ANGPT1: variants seen among roughly 807,000 people sequenced by gnomAD.
ANGPT1 encodes angiopoietin 1.
ANGPT1 carries 17 observed loss-of-function variants against 62.2 expected under a neutral mutation model. The ratio of observed to expected loss-of-function variants is 0.27; its 90% CI spans 0.19 to 0.41. ANGPT1 has a LOEUF of 0.41. Ranked by LOEUF, ANGPT1 falls within the 10% of genes least tolerant of loss-of-function variation. ANGPT1 has a pLI of 1.00. For missense variants in ANGPT1, 478 were observed against 594.9 expected, an observed-to-expected ratio of 0.80 and a Z score of 2.04; for synonymous variants, 199 against 198.9, an observed-to-expected ratio of 1.00 and a Z score of 0.00.
chr8:107,475,555 G>A (rs1026380238), intron 1 of ANGPT1, among the ~76,000 whole-genome samples: 2 of 152,098 alleles, frequency 1.3e-5, no homozygotes, highest in East Asian at 1.9e-4. Flanking sequence ...AACACCAAAA[G>A]CAATGGCAAC....
chr8:107,427,485 C>T (rs559667721), intron 1 of ANGPT1, among the ~76,000 whole-genome samples: 10 of 152,310 alleles, frequency 6.6e-5, no homozygotes, highest in East Asian at 3.9e-4. Flanking sequence ...TACTTGCAGA[C>T]GCTCTCCTGA....
intron 1 of ANGPT1, among the ~76,000 whole-genome samples, chr8:107,456,792 T>C (rs574343786): frequency 3.3e-5 from 5 of 152,070 alleles, no homozygotes; most frequent in Non-Finnish European, 7.4e-5. Flanking sequence ...ATGTATAAAA[T>C]GAAATGTAAA....
intron 1 of ANGPT1, among the ~76,000 whole-genome samples, chr8:107,412,811 G>C (rs1231572387): frequency 1.3e-5 from 2 of 152,116 alleles, no homozygotes; most frequent in Non-Finnish European, 2.9e-5. Flanking sequence ...GGGCTCTTTG[G>C]TATTTGCCTG....
In ANGPT1 at chr8:107,321,973, T is replaced by A; in HGVS notation, c.731A>T (p.Asn244Ile). The A allele has an allele frequency of 6.2e-7, 1 of 1,613,998 alleles. No individual in the cohort carries two copies. Among genetic ancestry groups the A allele is most frequent in the Non-Finnish European group, 8.5e-7 (1 of 1,179,900 alleles). ...CAGTTGCTGCTTCTGAAGGACACTGTTGTTGGTGGTAGCTCTGTTTAATTG... is the reference window on the plus strand; with the variant it reads ...CAGTTGCTGCTTCTGAAGGACACTGATGTTGGTGGTAGCTCTGTTTAATTG... ...EKQLNRATTN[N>I]SVLQKQQLEL... Residue 244 changes from asparagine to isoleucine, a missense_variant, in exon 4 of 9, where the codon AAC (asparagine) becomes ATC (isoleucine). Around this residue, in one of 4 missense-constraint regions of ANGPT1, gnomAD observed 343 missense variants for 355.4 expected, o/e 0.97. Coordinates refer to ENST00000517746, the MANE Select transcript of ANGPT1 (RefSeq NM_001146.5).
At chr8:107,496,702 A>G (rs758665533) in intron 1 of ANGPT1, among the ~76,000 whole-genome samples, 17 of 152,140 alleles carry the variant, frequency 1.1e-4, no homozygotes, top group Non-Finnish European at 1.3e-4. Context: ...TCAGTCTACT[A>G]TTCTACCACT....
chr8:107,287,778 T>C, intron 6 of ANGPT1, among the ~76,000 whole-genome samples: 1 of 152,174 alleles, frequency 6.6e-6, no homozygotes. Flanking sequence ...ATATTTGCTG[T>C]AGAAATATCG....
intron 1 of ANGPT1, among the ~76,000 whole-genome samples, chr8:107,366,980 C>A (rs1816286764): frequency 6.6e-6 from 1 of 152,042 alleles, no homozygotes; most frequent in Non-Finnish European, 1.5e-5. Flanking sequence ...AAACTGAGGC[C>A]TTCCAACAAC....
chr8:107,415,255 G>C (rs2130364982), intron 1 of ANGPT1, among the ~76,000 whole-genome samples: 1 of 152,270 alleles, frequency 6.6e-6, no homozygotes, highest in Middle Eastern at 3.4e-3. Context: ...TTTTCTCATA[G>C]AGCAAAACTG....
At chr8:107,277,584 G>T (rs1033336353) in intron 7 of ANGPT1, among the ~76,000 whole-genome samples, 13 of 152,006 alleles carry the variant, frequency 8.6e-5, no homozygotes, top group Non-Finnish European at 1.5e-4. Context: ...GAGAGAATAG[G>T]TATTCCATTA....
intron 1 of ANGPT1, among the ~76,000 whole-genome samples, chr8:107,481,036 T>A (rs1440750499): frequency 6.6e-6 from 1 of 152,080 alleles, no homozygotes; most frequent in Non-Finnish European, 1.5e-5. Flanking sequence ...ATTATGAGAG[T>A]GTTTTGAGAA....
chr8:107,390,263 G>C (rs1356953867), intron 1 of ANGPT1, among the ~76,000 whole-genome samples: 2 of 152,016 alleles, frequency 1.3e-5, no homozygotes, highest in African/African-American at 4.8e-5. Context: ...GTATAAACTT[G>C]AAGTTTATGA....
At position 107,257,870 on chromosome 8, in the gene ANGPT1, G is replaced by GTTTT. The variant is rs750634420; in HGVS notation, c.1337-5859_1337-5856dup. On this transcript the variant is annotated intron_variant, in intron 8 of 8. Transcript: ENST00000517746. ...TATATCCTCTTCAGGCCAAGGACTT[G>GTTTT]TTTTTGTTTCTTTTTTGTTTGTTTG... 1.4e-3 allele frequency among the ~76,000 whole-genome samples: 63 copies of GTTTT among 45,186 alleles called. 6 individuals are homozygous for GTTTT. Among genetic ancestry groups the GTTTT allele is most frequent in the South Asian group, 3.2e-3 (4 of 1,232 alleles). 29.6% of individuals were successfully genotyped at this position (45,186 alleles called of 152,430 possible). A position where few individuals can be genotyped will look rare whatever the true frequency, so the allele number is the denominator to read the frequency against.
At chr8:107,391,982 C>T (rs565402445) in intron 1 of ANGPT1, among the ~76,000 whole-genome samples, 5 of 152,264 alleles carry the variant, frequency 3.3e-5, no homozygotes, top group Admixed American at 1.3e-4. Flanking sequence ...TGGTTCCTCA[C>T]TGATGGAAAT....
chr8:107,484,098 T>C (rs550660145), intron 1 of ANGPT1, among the ~76,000 whole-genome samples: 7 of 152,328 alleles, frequency 4.6e-5, no homozygotes, highest in African/African-American at 1.7e-4. Context: ...GACATCATCA[T>C]TCATCTGAAT....
intron 1 of ANGPT1, among the ~76,000 whole-genome samples, chr8:107,415,258 C>A (rs550538526): frequency 6.6e-6 from 1 of 152,226 alleles, no homozygotes; most frequent in Admixed American, 6.5e-5. Context: ...TCTCATAGAG[C>A]AAAACTGTTG....
At chr8:107,355,257 C>T (rs571069853) in intron 1 of ANGPT1, among the ~76,000 whole-genome samples, 35 of 152,184 alleles carry the variant, frequency 2.3e-4, no homozygotes, top group African/African-American at 8.2e-4. Context: ...TCCCTCTCTC[C>T]CTACCAATAT....
At chr8:107,476,912 T>G (rs192694563) in intron 1 of ANGPT1, among the ~76,000 whole-genome samples, 4 of 152,284 alleles carry the variant, frequency 2.6e-5, no homozygotes, top group Admixed American at 1.3e-4. Context: ...TTTTCCCTAG[T>G]TCTCTAGCTG....
At chr8:107,286,729 G>C (rs561422922) in intron 6 of ANGPT1, among the ~76,000 whole-genome samples, 6 of 152,236 alleles carry the variant, frequency 3.9e-5, no homozygotes, top group Admixed American at 2.0e-4. Flanking sequence ...ATAGCTCACA[G>C]TAAAGCTATA....
At chr8:107,355,762 T>A (rs1428326346) in intron 1 of ANGPT1, among the ~76,000 whole-genome samples, 1 of 152,154 alleles carries the variant, frequency 6.6e-6, no homozygotes, top group Non-Finnish European at 1.5e-5. Flanking sequence ...CTCTCTGTAA[T>A]ACCCTTCTTT....
Sources: gnomAD v4.1 joint callset for allele counts (sites outside exome capture counted in the v4.1 genomes callset) on GRCh38, gnomAD v4.1.1 for gene constraint, gnomAD v4.1.1 regional missense constraint, MANE v1.5 for transcripts, NCBI Gene and HGNC (gene_info 2026-07-23, HGNC 2026-07-21) for gene names.